B4GALT1: variants seen among roughly 807,000 people sequenced by gnomAD.
B4GALT1 encodes beta-1,4-galactosyltransferase 1.
B4GALT1 carries 16 observed loss-of-function variants against 34.9 expected under a neutral mutation model. The ratio of observed to expected loss-of-function variants is 0.46; its 90% CI spans 0.31 to 0.70. The LOEUF (loss-of-function observed/expected upper bound fraction) is 0.70. Ranked by LOEUF, B4GALT1 falls within the 30% of genes least tolerant of loss-of-function variation. The probability of loss-of-function intolerance (pLI) is 0.05; values close to 1 mark genes in which losing one functional copy is unlikely to be tolerated. For missense variants in B4GALT1, 445 were observed against 530.5 expected (o/e 0.84, Z 1.58); for synonymous variants, 221 against 218.1 (o/e 1.01, Z -0.12).
In B4GALT1 at chr9:33,113,487, G is replaced by C; in HGVS notation, c.1164C>G (p.Thr388=). The change falls in exon 6 of 6, where the codon ACC becomes ACG. Residue 388 remains threonine, a synonymous_variant. Coordinates refer to ENST00000379731, the MANE Select transcript of B4GALT1 (RefSeq NM_001497.4). The part of the protein sequence containing the change: ...VLDVQRYPLY[T]QITVDIGTPS ...GTGTCCCGATGTCCACTGTGATTTGGGTATACAATGGGTATCTCTGTACAT... is the reference window on the plus strand; with the variant it reads ...GTGTCCCGATGTCCACTGTGATTTGCGTATACAATGGGTATCTCTGTACAT... 1 of 1,614,168 alleles carries C rather than the reference G, an allele frequency of 6.2e-7. No homozygotes were observed. The highest frequency in any genetic ancestry group is 8.5e-7 in the Non-Finnish European group (1 of 1,180,034).
At chr9:33,124,540 G>C (rs912180175) in intron 2 of B4GALT1, among the ~76,000 whole-genome samples, 2 of 152,164 alleles carry the variant, frequency 1.3e-5, no homozygotes, top group Non-Finnish European at 1.5e-5. Context: ...GGGTTTTTCA[G>C]AATTAAGAAG....
At chr9:33,141,622 A>C (rs1840351604) in intron 1 of B4GALT1, among the ~76,000 whole-genome samples, 2 of 152,260 alleles carry the variant, frequency 1.3e-5, no homozygotes, top group South Asian at 4.1e-4. Context: ...AAACTAGCAC[A>C]GAAGGGGAAT....
downstream of B4GALT1, among the ~76,000 whole-genome samples, chr9:33,108,528 A>T (rs914666998): frequency 2.6e-5 from 4 of 152,080 alleles, no homozygotes; most frequent in African/African-American, 9.7e-5. Context: ...TCATGGTCAC[A>T]GAATAAGAGG....
chr9:33,136,182 G>A (rs1182168232), intron 1 of B4GALT1, among the ~76,000 whole-genome samples: 3 of 152,158 alleles, frequency 2.0e-5, no homozygotes, highest in East Asian at 3.8e-4. Flanking sequence ...GTAACAAAGA[G>A]GGAGGGATGA....
chr9:33,120,003 G>T (rs1468509403), intron 3 of B4GALT1, among the ~76,000 whole-genome samples: 1 of 151,986 alleles, frequency 6.6e-6, no homozygotes, highest in African/African-American at 2.4e-5. Flanking sequence ...GGGCAATACA[G>T]CAAAACCCCA....
the B4GALT1 span, among the ~76,000 whole-genome samples, chr9:33,182,748 G>A: frequency 6.6e-6 from 1 of 152,268 alleles, no homozygotes; most frequent in Non-Finnish European, 1.5e-5. Flanking sequence ...TTAGTGCCTT[G>A]GATTTACTTC....
intron 1 of B4GALT1, among the ~76,000 whole-genome samples, chr9:33,149,051 T>C (rs1196871813): frequency 1.3e-5 from 2 of 152,070 alleles, no homozygotes; most frequent in African/African-American, 2.4e-5. Flanking sequence ...CTCTTCCTTA[T>C]AGAAGAATGC....
chr9:33,106,568 T>C (rs1839798121), downstream of B4GALT1, among the ~76,000 whole-genome samples: 1 of 152,118 alleles, frequency 6.6e-6, no homozygotes, highest in Admixed American at 6.5e-5. Flanking sequence ...GGAGCGTGGA[T>C]GGCATTGGGC....
intron 2 of B4GALT1, among the ~76,000 whole-genome samples, chr9:33,122,259 T>C (rs10116935): frequency 0.98 from 149,251 of 152,278 alleles, 73,186 homozygotes; most frequent in East Asian, 1. Flanking sequence ...TGGCTCACAC[T>C]TGTAATCCTA....
intron 2 of B4GALT1, among the ~76,000 whole-genome samples, chr9:33,124,715 G>GAA (rs1257696258): frequency 6.6e-6 from 1 of 152,184 alleles, no homozygotes; most frequent in Admixed American, 6.5e-5. Context: ...TGAACAGTCA[G>GAA]ACCATTCCAA....
intron 2 of B4GALT1, among the ~76,000 whole-genome samples, chr9:33,121,766 A>G (rs112223891): frequency 1.3e-5 from 2 of 152,270 alleles, no homozygotes; most frequent in African/African-American, 4.8e-5. Flanking sequence ...GAGCTCAACA[A>G]ATAGTTGCTG....
chr9:33,118,210 G>C (rs565401466), intron 3 of B4GALT1, among the ~76,000 whole-genome samples: 4 of 152,186 alleles, frequency 2.6e-5, no homozygotes, highest in Non-Finnish European at 5.9e-5. Context: ...CTAAAAGTAA[G>C]GTTACATTCA....
At chr9:33,145,502 T>A (rs762098593) in intron 1 of B4GALT1, among the ~76,000 whole-genome samples, 2 of 152,140 alleles carry the variant, frequency 1.3e-5, no homozygotes, top group African/African-American at 2.4e-5. Flanking sequence ...AACAGCACCA[T>A]GATCAGATTC....
chr9:33,163,033 C>G (rs1001205675), intron 1 of B4GALT1, among the ~76,000 whole-genome samples: 3 of 152,150 alleles, frequency 2.0e-5, no homozygotes, highest in Non-Finnish European at 2.9e-5. Context: ...AAAGCTTCAA[C>G]CCCCAGGATG....
chr9:33,115,598 T>C (rs1839927669), intron 4 of B4GALT1, among the ~76,000 whole-genome samples: 1 of 152,196 alleles, frequency 6.6e-6, no homozygotes. Context: ...AATAAAAATA[T>C]AACACAAAGC....
intron 2 of B4GALT1, among the ~76,000 whole-genome samples, chr9:33,105,027 C>T (rs906453850): frequency 1.1e-4 from 17 of 151,774 alleles, no homozygotes; most frequent in Middle Eastern, 3.4e-3. Context: ...ACTGTGTTGG[C>T]CAGGCTGGTC....
At chr9:33,166,713 C>CGG (rs111399879) in intron 1 of B4GALT1, 45 bp downstream of exon 1, 7 of 1,474,566 alleles carry the variant, frequency 4.7e-6, no homozygotes, top group South Asian at 1.4e-5. Flanking sequence ...CGGGGAAATC[C>CGG]GGGGGGGTCC....
At chr9:33,135,911 A>ATGTGTGTGTGTG (rs34931533) in intron 1 of B4GALT1, among the ~76,000 whole-genome samples, 2 of 135,990 alleles carry the variant, frequency 1.5e-5, no homozygotes, top group Non-Finnish European at 1.6e-5. Context: ...GTGTGTGTGT[A>ATGTGTGTGTGTG]TGTGTGTGTG....
upstream of B4GALT1, among the ~76,000 whole-genome samples, chr9:33,169,256 G>T (rs1840816212): frequency 6.6e-6 from 1 of 152,088 alleles, no homozygotes; most frequent in Admixed American, 6.6e-5. Context: ...GTTCAATCTG[G>T]TTCCTATTTC....
Sources: gnomAD v4.1 joint callset for allele counts (sites outside exome capture counted in the v4.1 genomes callset) on GRCh38, gnomAD v4.1.1 for gene constraint, MANE v1.5 for transcripts, NCBI Gene and HGNC (gene_info 2026-07-23, HGNC 2026-07-21) for gene names.